Variants in HMCN2 observed in about 807,000 individuals in gnomAD.
HMCN2 encodes hemicentin-2.
HMCN2 carries 325 observed loss-of-function variants against 377.5 expected under a neutral mutation model. The observed-to-expected ratio is 0.86, with a 90% CI of 0.79 to 0.94. The LOEUF is 0.94. HMCN2 is among the 40% of genes least tolerant of loss of function. The probability of loss-of-function intolerance (pLI) is 0.00; values close to 1 mark genes in which losing one functional copy is unlikely to be tolerated. For missense variants in HMCN2, 4,543 were observed against 4,725.3 expected (o/e 0.96, Z 1.13); for synonymous variants, 2,007 against 2,046.8 (o/e 0.98, Z 0.53).
intron 29 of HMCN2, among the ~76,000 whole-genome samples, chr9:130,350,807 G>A (rs959739194): frequency 5.0e-4 from 76 of 151,878 alleles, no homozygotes; most frequent in African/African-American, 1.7e-3. Flanking sequence ...TTGGGAGGCC[G>A]AGGCAGGAGA....
intron 77 of HMCN2, 23 bp from the exon 78 acceptor site, chr9:130,402,766 C>G (rs1842914827): frequency 7.8e-7 from 1 of 1,284,616 alleles, no homozygotes; most frequent in Non-Finnish European, 1.0e-6. Flanking sequence ...TCCTGATCCC[C>G]TCACCCTGAT....
chr9:130,407,941 G>T (rs1843188196), intron 83 of HMCN2, among the ~76,000 whole-genome samples: 1 of 152,202 alleles, frequency 6.6e-6, no homozygotes, highest in African/African-American at 2.4e-5. Flanking sequence ...ACACTCCCAA[G>T]ACGACCCTGG....
chr9:130,267,679 G>C (rs1391402062), intron 1 of HMCN2, among the ~76,000 whole-genome samples: 2 of 152,372 alleles, frequency 1.3e-5, no homozygotes, highest in African/African-American at 4.8e-5. Context: ...TTGTGGTCTA[G>C]GGGCTTGGAG....
chr9:130,277,723 ACCAC>A (rs1834775343), intron 1 of HMCN2, among the ~76,000 whole-genome samples: 1 of 151,244 alleles, frequency 6.6e-6, no homozygotes, highest in African/African-American at 2.4e-5. Context: ...CATCACCACC[ACCAC>A]CACCATCATC....
At chr9:130,403,569 G>A (rs1471055794) in intron 79 of HMCN2, among the ~76,000 whole-genome samples, 172 bp from the exon 80 acceptor site, 1 of 152,180 alleles carries the variant, frequency 6.6e-6, no homozygotes, top group Non-Finnish European at 1.5e-5. Context: ...AGGTCGGGAG[G>A]GGGCAGCTGA....
At chr9:130,340,257 C>T (rs1838975582) in intron 23 of HMCN2, among the ~76,000 whole-genome samples, 2 of 152,244 alleles carry the variant, frequency 1.3e-5, no homozygotes, top group Non-Finnish European at 2.9e-5. Context: ...GGAGTGACTG[C>T]AGCCACAGCA....
rs370769229 is a variant in HMCN2, at chr9:130,395,753, G to A, written c.10912-171G>A. ...GGGATGCATTTCCTCCCAGAGGAGT[G>A]CATTTCCTTAGAGGGTCCTCGGCGG... On this transcript the variant is annotated intron_variant, in intron 71 of 97. Coordinates refer to ENST00000683500, the MANE Select transcript of HMCN2 (RefSeq NM_001291815.2). 1.6e-4 allele frequency among the ~76,000 whole-genome samples: 25 copies of A among 152,314 alleles called. No homozygotes were observed. The East Asian group carries it at 4.1e-3, about 25-fold the overall frequency.
At position 130,354,853 on chromosome 9, in the gene HMCN2, G is replaced by T; in HGVS notation, c.4955G>T (p.Gly1652Val). Residue 1652 changes from glycine to valine, a missense_variant, in exon 32 of 98, where the codon GGC becomes GTC. Transcript: ENST00000683500. ...GTGGCGCTGGAGTGCGTGGCCAGAG[G>T]CCACCCGTCCCCCACCCTCTCCTGG... ...RPVALECVAR[G>V]HPSPTLSWHH... 1 of 1,304,234 alleles carries T rather than the reference G, an allele frequency of 7.7e-7. No homozygotes were observed. The highest frequency in any genetic ancestry group is 1.0e-6 in the Non-Finnish European group (1 of 988,944). The allele number at this position is 1,304,234 out of a possible 1,614,324, so 80.8% of individuals were successfully genotyped here.
At chr9:130,348,701 G>A in intron 27 of HMCN2, 26 bp downstream of exon 27, 2 of 1,294,410 alleles carry the variant, frequency 1.5e-6, no homozygotes, top group Non-Finnish European at 2.0e-6. Context: ...GGGTGGGCGG[G>A]GTATGGGTGG....
rs976861405 is a variant in HMCN2, at chr9:130,327,710, G to A, written c.3359+235G>A. Among the ~76,000 whole-genome samples the A allele has an allele frequency of 4.6e-5, 7 of 152,294 alleles. No homozygotes were observed. The East Asian group carries it at 1.4e-3, about 29-fold the overall frequency. The stretch of plus-strand genomic sequence containing the variant: ...TCCCCATCTGAAATAACATGCACGG[G>A]GCATTGCCTGCAGGATCCCATTTAA... On this transcript the variant is annotated intron_variant, in intron 22 of 97. Coordinates refer to ENST00000683500, the MANE Select transcript of HMCN2 (RefSeq NM_001291815.2).
rs551916244 is a variant in HMCN2 at position 130,362,906 on chromosome 9, C to T, written c.6148C>T (p.Arg2050Trp). Residue 2050 changes from arginine to tryptophan, a missense_variant, in exon 40 of 98, where the codon CGG (arginine) becomes TGG (tryptophan). Physicochemically the swap from Arg to Trp is moderately radical, Grantham distance 101 (BLOSUM62 -3). Around this residue, in one of 5 missense-constraint regions of HMCN2, gnomAD observed 1,032 missense variants for 1,285.1 expected, o/e 0.80. Coordinates refer to ENST00000683500, the MANE Select transcript of HMCN2 (RefSeq NM_001291815.2). ...CCGGGTCCTCACCTTGGCTAGTGCC[C>T]GGGCCTCCGACTCTGGGAGGTACTC... Reference protein sequence around the residue: ...GGRVLTLASARASDSGRYSCV... With the variant: ...GGRVLTLASAWASDSGRYSCV... 1,622 of 985,928 alleles carry T rather than the reference C, an allele frequency of 1.6e-3. 1 individual carries two copies. The highest frequency in any genetic ancestry group is 2.1e-3 in the Admixed American group (34 of 16,292). The allele number at this position is 985,928 out of a possible 1,614,324, so 61.1% of individuals were successfully genotyped here.
chr9:130,358,994 A>T (rs947286973), intron 36 of HMCN2, among the ~76,000 whole-genome samples: 5 of 151,994 alleles, frequency 3.3e-5, no homozygotes, highest in African/African-American at 1.2e-4. Flanking sequence ...CCTTGCCCAC[A>T]TTCATATTTA....
intron 40 of HMCN2, 29 bp downstream of exon 40, chr9:130,363,019 G>A: frequency 2.0e-6 from 2 of 986,036 alleles, no homozygotes; most frequent in Non-Finnish European, 2.4e-6. Context: ...AAGCCATGTG[G>A]TTCAGAGCAG....
chr9:130,386,037 C>T (rs551864773), intron 60 of HMCN2, among the ~76,000 whole-genome samples: 1 of 152,280 alleles, frequency 6.6e-6, no homozygotes, highest in East Asian at 1.9e-4. Context: ...CTGGTCCGCT[C>T]CGGCTGACCA....
At chr9:130,376,419 C>T (rs1340510616) in intron 51 of HMCN2, 97 bp from the exon 52 acceptor site, 5 of 198,006 alleles carry the variant, frequency 2.5e-5, no homozygotes, top group African/African-American at 9.4e-5. Context: ...TCTCTTGGGC[C>T]GGCCCCCATT....
At chr9:130,374,822 C>A in intron 49 of HMCN2, 129 bp downstream of exon 49, 64 of 276,574 alleles carry the variant, frequency 2.3e-4, no homozygotes, top group Non-Finnish European at 3.2e-4. Context: ...AGTTTGACAA[C>A]AAAAATCATA....
chr9:130,332,701 G>A (rs1025385624), intron 22 of HMCN2, among the ~76,000 whole-genome samples: 7 of 152,208 alleles, frequency 4.6e-5, no homozygotes, highest in Admixed American at 3.3e-4. Flanking sequence ...GCCTCCTCAC[G>A]GGTCTGCGAT....
In HMCN2 at chr9:130,327,925, C is replaced by T. The variant is rs976913876; in HGVS notation, c.3359+450C>T. Among the ~76,000 whole-genome samples, 22 of 152,300 alleles carry T rather than the reference C, an allele frequency of 1.4e-4. No individual in the cohort carries two copies. In the East Asian group the frequency reaches 1.5e-3, roughly 11 times the overall value. The stretch of plus-strand genomic sequence containing the variant: ...CTGGGCTGTCTGACTCAGCTGCTCC[C>T]GGTCCGGGATCCTGGGAGTGGGCGG... On this transcript the variant is annotated intron_variant, in intron 22 of 97. Transcript: ENST00000683500.
At chr9:130,366,209 AG>A (rs1840681128) in intron 43 of HMCN2, among the ~76,000 whole-genome samples, 2 of 152,176 alleles carry the variant, frequency 1.3e-5, no homozygotes, top group African/African-American at 4.8e-5. Context: ...CTGCTCTGCC[AG>A]TAAGAGCTGG....
Sources: allele counts gnomAD v4.1 joint callset (sites outside exome capture counted in the v4.1 genomes callset), GRCh38; gene constraint gnomAD v4.1.1; regional missense constraint gnomAD v4.1.1; transcripts MANE v1.5; gene names NCBI Gene and HGNC (gene_info 2026-07-23, HGNC 2026-07-21).